Variants in DMXL1 observed in about 807,000 individuals in gnomAD.
DMXL1 encodes the protein dmX-like protein 1.
A neutral mutation model predicts 319.2 loss-of-function variants in DMXL1; 99 were observed. That is an observed-to-expected ratio of 0.31 (90% CI 0.26 to 0.37). The LOEUF is 0.37. Among genes scored for constraint, DMXL1 ranks in the 10% least tolerant of loss-of-function variants. The pLI, the probability that DMXL1 is intolerant of heterozygous loss-of-function variation, is 1.00. For missense variants in DMXL1, 3,745 were observed against 3,595.6 expected, an observed-to-expected ratio of 1.04 and a Z score of -1.06; for synonymous variants, 1,385 against 1,235.2, an observed-to-expected ratio of 1.12 and a Z score of -2.54.
chr5:119,156,502 A>G (rs886371956), intron 19 of DMXL1, among the ~76,000 whole-genome samples: 1 of 152,120 alleles, frequency 6.6e-6, no homozygotes, highest in South Asian at 2.1e-4. Context: ...TTATTGATGG[A>G]TACTTAGGTT....
chr5:119,165,117 A>G, intron 20 of DMXL1, 66 bp from the exon 21 acceptor site: 1 of 951,708 alleles, frequency 1.1e-6, no homozygotes, highest in Non-Finnish European at 1.6e-6. Flanking sequence ...CCAGCCTTTC[A>G]TATGAAAGAA....
At chr5:119,241,534 CAAAA>C (rs35739845) in intron 42 of DMXL1, among the ~76,000 whole-genome samples, 2 of 57,562 alleles carry the variant, frequency 3.5e-5, no homozygotes, top group East Asian at 4.5e-4. Context: ...GACTCCGTCT[CAAAA>C]AAAAAAAAAA....
chr5:119,110,417 A>G (rs1195949054), intron 5 of DMXL1, 134 bp downstream of exon 5: 3 of 723,614 alleles, frequency 4.1e-6, no homozygotes, highest in Admixed American at 6.5e-5. Context: ...GCTTTTTCTT[A>G]TACACAGATA....
At chr5:119,180,355 C>G (rs936907113) in intron 28 of DMXL1, among the ~76,000 whole-genome samples, 2 of 152,082 alleles carry the variant, frequency 1.3e-5, no homozygotes, top group African/African-American at 4.8e-5. Flanking sequence ...TCAGTTTTTG[C>G]TGTTGTAAAA....
At chr5:119,217,033 T>G (rs1269160380) in intron 35 of DMXL1, 46 bp downstream of exon 35, 1 of 1,108,714 alleles carries the variant, frequency 9.0e-7, no homozygotes, top group Non-Finnish European at 1.3e-6. Flanking sequence ...TATTTATAGT[T>G]GGATAATATC....
chr5:119,082,394 T>C (rs1247140777), intron 1 of DMXL1, among the ~76,000 whole-genome samples: 2 of 152,002 alleles, frequency 1.3e-5, no homozygotes, highest in Non-Finnish European at 2.9e-5. Context: ...CCCACCGCAG[T>C]GTCCCAAGTA....
intron 18 of DMXL1, among the ~76,000 whole-genome samples, chr5:119,151,131 G>A (rs1769698891): frequency 6.6e-6 from 1 of 151,536 alleles, no homozygotes; most frequent in Non-Finnish European, 1.5e-5. Context: ...ATTATAATTT[G>A]GTTTTTAAAA....
At chr5:119,084,267 A>T (rs1418252437) in intron 1 of DMXL1, among the ~76,000 whole-genome samples, 6 of 151,962 alleles carry the variant, frequency 3.9e-5, no homozygotes, top group Non-Finnish European at 4.4e-5. Flanking sequence ...TTACAGGTGC[A>T]CACCATCATG....
At chr5:119,240,632 C>T (rs992555901) in intron 42 of DMXL1, among the ~76,000 whole-genome samples, 161 bp downstream of exon 42, 3 of 152,050 alleles carry the variant, frequency 2.0e-5, no homozygotes, top group Non-Finnish European at 4.4e-5. Context: ...ATGCAATATA[C>T]GTAATTAACT....
At chr5:119,199,955 C>A (rs944726974) in intron 32 of DMXL1, among the ~76,000 whole-genome samples, 1 of 151,962 alleles carries the variant, frequency 6.6e-6, no homozygotes, top group Admixed American at 6.6e-5. Flanking sequence ...GGTTGAAGTT[C>A]GTTATAGATG....
At chr5:119,196,852 A>G (rs1779731604) in intron 31 of DMXL1, among the ~76,000 whole-genome samples, 1 of 152,190 alleles carries the variant, frequency 6.6e-6, no homozygotes, top group Non-Finnish European at 1.5e-5. Flanking sequence ...TCTGCTATGA[A>G]CTATAGTTCC....
chr5:119,182,864 G>A (rs1777023273), intron 28 of DMXL1, among the ~76,000 whole-genome samples: 1 of 152,110 alleles, frequency 6.6e-6, no homozygotes, highest in Non-Finnish European at 1.5e-5. Context: ...AACCAGCTAA[G>A]CAATAGCAAT....
At position 119,197,878 on chromosome 5, in the gene DMXL1, C is replaced by G; in HGVS notation, c.7667C>G (p.Thr2556Ser). The stretch of plus-strand genomic sequence containing the variant: ...CCTCAAAATTATATCGCAAGTCATA[C>G]CGCCGAAGAGAGTTTGTCTGCAGGT... Reference protein sequence around the residue: ...GPPQNYIASHTAEESLSAGPA... With the variant: ...GPPQNYIASHSAEESLSAGPA... Residue 2556 changes from threonine (T) to serine (S), a missense_variant, in exon 32 of 44, where the codon ACC (threonine) becomes AGC (serine). Physicochemically the swap from Thr to Ser is moderately conservative, Grantham distance 58. Transcript: ENST00000539542. The G allele has an allele frequency of 6.2e-7, 1 of 1,614,200 alleles. No homozygotes were observed. Among genetic ancestry groups the G allele is most frequent in the Non-Finnish European group, 8.5e-7 (1 of 1,180,028 alleles).
At chr5:119,122,109 C>T (rs1291031786) in intron 9 of DMXL1, among the ~76,000 whole-genome samples, 5 of 141,550 alleles carry the variant, frequency 3.5e-5, no homozygotes, top group African/African-American at 1.1e-4. Context: ...ACCTCCCTCC[C>T]GGACGGGGCG....
chr5:119,148,800 A>T lies in DMXL1; in HGVS notation c.2973A>T (p.Ser991=), dbSNP rs761692139. The stretch of plus-strand genomic sequence containing the variant: ...GTGCTCCTTATTTATTGGCAACTTC[A>T]TGTTCAGATGAGAAAGTAAGATTCT... ...ACSAPYLLAT[S]CSDEKVRFWR... The change falls in exon 18 of 44, where the codon TCA becomes TCT. Residue 991 remains serine (S), a synonymous_variant. Transcript: ENST00000539542. 6.8e-6 allele frequency: 11 copies of T among 1,613,566 alleles called. No individual in the cohort carries two copies. In the African/African-American group the frequency reaches 9.3e-5, roughly 14 times the overall value.
Position 119,237,325 on chromosome 5 carries a change from G to T in DMXL1, c.8470G>T (p.Gly2824Ter). ...TTAAATATTTTCTTTCTCTAAGTTT[G>T]GAATAGTTGATGCTGATGGATATTT... ...MRFNYQGNKF[G>*]IVDADGYLSL... Residue 2824 changes from glycine (G) to a stop codon, truncating the protein, a stop_gained, in exon 40 of 44, where the codon GGA (glycine) becomes TGA (stop). Coordinates refer to ENST00000539542, the MANE Select transcript of DMXL1 (RefSeq NM_001290321.3). LOFTEE classifies it high-confidence loss of function. The T allele has an allele frequency of 6.4e-7, 1 of 1,561,284 alleles. No homozygotes were observed. Among genetic ancestry groups the T allele is most frequent in the South Asian group, 1.2e-5 (1 of 84,230 alleles).
chr5:119,099,183 TTTG>T, intron 2 of DMXL1, among the ~76,000 whole-genome samples: 1 of 84,188 alleles, frequency 1.2e-5, no homozygotes, highest in Admixed American at 1.3e-4. Context: ...GGGTTTTTTT[TTTG>T]TTTTTTGTTT....
rs898356346 is a variant in DMXL1 at position 119,248,071 on chromosome 5, G to C, written c.*852G>C. The C allele has an allele frequency of 6.6e-6, 1 of 152,068 alleles. No individual in the cohort carries two copies. Among genetic ancestry groups the C allele is most frequent in the Non-Finnish European group, 1.5e-5 (1 of 67,966 alleles). The allele number at this position is 152,068 out of a possible 1,614,324, so 9.4% of individuals were successfully genotyped here. On this transcript the variant is annotated 3_prime_UTR_variant, in exon 44 of 44. Coordinates refer to ENST00000539542, the MANE Select transcript of DMXL1 (RefSeq NM_001290321.3). ...AGTCTTAGCAGGCAATAAAGTTTCT[G>C]TGGTGGCATATATCATGTAAGACAC...
intron 13 of DMXL1, among the ~76,000 whole-genome samples, chr5:119,134,710 G>A (rs1003438848): frequency 7.9e-5 from 12 of 152,186 alleles, no homozygotes; most frequent in African/African-American, 2.9e-4. Context: ...TTTATAGGCA[G>A]GAGGAGCTGG....
Sources: gnomAD v4.1 joint callset for allele counts (sites outside exome capture counted in the v4.1 genomes callset) on GRCh38, gnomAD v4.1.1 for gene constraint, MANE v1.5 for transcripts, NCBI Gene and HGNC (gene_info 2026-07-23, HGNC 2026-07-21) for gene names.